Variants in TBC1D22A observed in about 807,000 individuals in gnomAD.
The protein encoded by TBC1D22A is TBC1 domain family member 22A, also known as putative GTPase activator.
In TBC1D22A, 38 loss-of-function variants were observed where a neutral mutation model predicts 60.2. That is an observed-to-expected ratio of 0.63 (90% CI 0.49 to 0.83). The LOEUF (loss-of-function observed/expected upper bound fraction) is 0.83, where lower values mean the gene tolerates loss of function less well. Ranked by LOEUF, TBC1D22A falls within the 40% of genes least tolerant of loss-of-function variation. The pLI is 0.00. For missense variants in TBC1D22A, 628 were observed against 701.0 expected, an observed-to-expected ratio of 0.90 and a Z score of 1.18; for synonymous variants, 302 against 281.7, an observed-to-expected ratio of 1.07 and a Z score of -0.72.
At chr22:46,763,000 T>C in intron 1 of TBC1D22A, 152 bp downstream of exon 1, 1 of 639,960 alleles carries the variant, frequency 1.6e-6, no homozygotes, top group Non-Finnish European at 2.5e-6. Flanking sequence ...GTTGGGGGGC[T>C]CGGAGGTCGG....
intron 12 of TBC1D22A, among the ~76,000 whole-genome samples, chr22:47,138,334 A>G (rs1026420982): frequency 5.3e-5 from 8 of 152,094 alleles, no homozygotes; most frequent in Non-Finnish European, 8.8e-5. Context: ...AGGACCGTGG[A>G]CAGTGATGGA....
rs182277754 is a variant in TBC1D22A at position 46,815,022 on chromosome 22, G to A, written c.637+17402G>A. 4.8e-3 allele frequency among the ~76,000 whole-genome samples: 735 copies of A among 152,242 alleles called. 4 individuals carry two copies. The highest frequency in any genetic ancestry group is 7.1e-3 in the Non-Finnish European group (481 of 68,014). On this transcript the variant is annotated intron_variant, in intron 4 of 12. Coordinates refer to ENST00000337137, the MANE Select transcript of TBC1D22A (RefSeq NM_014346.5). ...TTTCTTTGAAAACATGATTGTTCAT[G>A]GCTTTATAATAGTTATCAAAATACA...
chr22:47,078,088 C>T (rs1415113670), intron 11 of TBC1D22A, among the ~76,000 whole-genome samples: 1 of 152,178 alleles, frequency 6.6e-6, no homozygotes, highest in East Asian at 1.9e-4. Context: ...GATCTCCATG[C>T]CAGGCCCATC....
intron 4 of TBC1D22A, among the ~76,000 whole-genome samples, chr22:46,804,983 TAGG>T (rs1233091516): frequency 1.3e-5 from 2 of 152,214 alleles, no homozygotes; most frequent in Non-Finnish European, 2.9e-5. Context: ...ATGTGAGGGA[TAGG>T]AGAAGGAAAG....
chr22:46,863,795 C>A (rs777220868), intron 4 of TBC1D22A, among the ~76,000 whole-genome samples: 5 of 152,210 alleles, frequency 3.3e-5, no homozygotes, highest in Non-Finnish European at 7.3e-5. Flanking sequence ...CCGGGTTGCA[C>A]CTGCTTCTGG....
chr22:46,948,776 C>T (rs1354667711), intron 8 of TBC1D22A, among the ~76,000 whole-genome samples: 2 of 152,244 alleles, frequency 1.3e-5, no homozygotes, highest in African/African-American at 2.4e-5. Context: ...CAGGTAAAGA[C>T]CGTGCCTTTC....
At chr22:46,964,402 G>C (rs1006273994) in intron 8 of TBC1D22A, among the ~76,000 whole-genome samples, 1 of 152,226 alleles carries the variant, frequency 6.6e-6, no homozygotes, top group Non-Finnish European at 1.5e-5. Flanking sequence ...AGCCAGGAAG[G>C]CCTGAGAAGC....
intron 12 of TBC1D22A, among the ~76,000 whole-genome samples, chr22:47,144,107 A>G (rs747336594): frequency 3.7e-4 from 56 of 152,192 alleles, no homozygotes; most frequent in South Asian, 4.1e-4. Context: ...CATGGGAGAC[A>G]AACCATTCCC....
chr22:46,938,884 C>T (rs1367748795), intron 8 of TBC1D22A, among the ~76,000 whole-genome samples: 1 of 151,916 alleles, frequency 6.6e-6, no homozygotes, highest in South Asian at 2.1e-4. Context: ...CCACAGCTGG[C>T]CAGTTATTTC....
At chr22:46,801,478 G>A (rs1221186824) in intron 4 of TBC1D22A, among the ~76,000 whole-genome samples, 3 of 152,246 alleles carry the variant, frequency 2.0e-5, no homozygotes, top group Non-Finnish European at 4.4e-5. Flanking sequence ...GGGGATGAAA[G>A]TAGCAAATAG....
intron 8 of TBC1D22A, among the ~76,000 whole-genome samples, chr22:46,950,981 T>C (rs1425638556): frequency 6.6e-6 from 1 of 152,202 alleles, no homozygotes; most frequent in Non-Finnish European, 1.5e-5. Context: ...CTGAAATACG[T>C]GTGTGAGTCT....
chr22:47,058,832 G>A (rs567883812), intron 11 of TBC1D22A, among the ~76,000 whole-genome samples: 1 of 152,250 alleles, frequency 6.6e-6, no homozygotes, highest in East Asian at 1.9e-4. Flanking sequence ...GGTGGCATAA[G>A]TGAAATGGAA....
Position 47,010,258 on chromosome 22 carries a change from C to G in TBC1D22A, c.1201+12549C>G, listed in dbSNP as rs111255233. Among the ~76,000 whole-genome samples, 3 of 152,044 alleles carry G rather than the reference C, an allele frequency of 2.0e-5. No homozygotes were observed. In the South Asian group the frequency reaches 6.2e-4, roughly 32 times the overall value. ...ACCCTGGTGGAAATATTTTTATTAC[C>G]CCTACAAAGTAAGCAGCCGAGAAGC... On this transcript the variant is annotated intron_variant, in intron 10 of 12. Transcript: ENST00000337137.
chr22:47,085,605 T>C (rs1254760929), intron 11 of TBC1D22A, among the ~76,000 whole-genome samples: 1 of 152,162 alleles, frequency 6.6e-6, no homozygotes. Context: ...GAAAATTGCA[T>C]TAAGTTAATT....
In TBC1D22A at chr22:47,028,376, C is replaced by T. The variant is rs539220910; in HGVS notation, c.1202-8695C>T. Reference sequence around the variant, plus strand: ...GGCCCAGGTTCTGAGAGTGAGTGGTCGCATTCCTGTCCCTCGGTCCCTGTC... The same window carrying T: ...GGCCCAGGTTCTGAGAGTGAGTGGTTGCATTCCTGTCCCTCGGTCCCTGTC... On this transcript the variant is annotated intron_variant, in intron 10 of 12. Transcript: ENST00000337137. This position sits in a 1 kb window ranked among gnomAD's most constrained non-coding sequence, Gnocchi z 4.4. 2.7e-5 allele frequency among the ~76,000 whole-genome samples: 4 copies of T among 150,142 alleles called. No homozygotes were observed. The highest frequency in any genetic ancestry group is 2.0e-4 in the East Asian group (1 of 5,060).
At chr22:46,895,128 C>T (rs1298052557) in intron 7 of TBC1D22A, among the ~76,000 whole-genome samples, 1 of 152,012 alleles carries the variant, frequency 6.6e-6, no homozygotes, top group Non-Finnish European at 1.5e-5. Flanking sequence ...GGAAACAGAA[C>T]CCCCCAGTGC....
intron 8 of TBC1D22A, among the ~76,000 whole-genome samples, chr22:46,966,896 G>A: frequency 6.6e-6 from 1 of 152,202 alleles, no homozygotes; most frequent in African/African-American, 2.4e-5. Flanking sequence ...ATGGGAAACA[G>A]CTATGCTGTT....
At chr22:46,879,058 G>A (rs1054802758) in intron 5 of TBC1D22A, among the ~76,000 whole-genome samples, 1 of 151,972 alleles carries the variant, frequency 6.6e-6, no homozygotes, top group African/African-American at 2.4e-5. Flanking sequence ...TTGAAACAGG[G>A]AAATATGTTT....
At chr22:46,850,244 G>A (rs1410975222) in intron 4 of TBC1D22A, among the ~76,000 whole-genome samples, 2 of 152,188 alleles carry the variant, frequency 1.3e-5, no homozygotes, top group Admixed American at 6.5e-5. Flanking sequence ...GCTGTGTGCC[G>A]TGGGGTTGTG....
Sources: allele counts gnomAD v4.1 joint callset (sites outside exome capture counted in the v4.1 genomes callset), GRCh38; gene constraint gnomAD v4.1.1; non-coding constraint Gnocchi (gnomAD v3.1); transcripts MANE v1.5; gene names NCBI Gene and HGNC (gene_info 2026-07-23, HGNC 2026-07-21).